CENPW: variants seen among roughly 807,000 people sequenced by gnomAD.
CENPW encodes the protein cancer-up-regulated gene 2 protein.
In CENPW, 3 loss-of-function variants were observed where a neutral mutation model predicts 11.1. That is an observed-to-expected ratio of 0.27 (90% CI 0.12 to 0.70). The LOEUF is 0.70. Among genes scored for constraint, CENPW ranks in the 30% least tolerant of loss-of-function variants. The pLI is 0.77. For synonymous variants in CENPW, 38 were observed against 42.0 expected (o/e 0.91, Z 0.37); for missense variants, 100 against 105.6 (o/e 0.95, Z 0.23).
downstream of CENPW, among the ~76,000 whole-genome samples, chr6:126,353,386 T>C (rs921947280): frequency 1.3e-5 from 2 of 152,054 alleles, no homozygotes; most frequent in African/African-American, 2.4e-5. Context: ...TTGCCTATTA[T>C]AGCAAATAAT....
the CENPW span, among the ~76,000 whole-genome samples, chr6:126,459,151 A>G: frequency 2.0e-5 from 3 of 151,250 alleles, no homozygotes; most frequent in East Asian, 5.8e-4. Flanking sequence ...ATTTTCATTG[A>G]TCCAATGCTA....
At chr6:126,378,025 G>A in the CENPW span, among the ~76,000 whole-genome samples, 2 of 152,164 alleles carry the variant, frequency 1.3e-5, no homozygotes, top group Non-Finnish European at 2.9e-5. Context: ...AGCAGGGGAC[G>A]CTCTCGCATC....
the CENPW span, among the ~76,000 whole-genome samples, chr6:126,447,309 A>G: frequency 6.6e-6 from 1 of 151,312 alleles, no homozygotes; most frequent in East Asian, 1.9e-4. Flanking sequence ...TCCAAGCACA[A>G]TTTGTGAACT....
chr6:126,409,099 C>T, the CENPW span, among the ~76,000 whole-genome samples: 9 of 151,990 alleles, frequency 5.9e-5, no homozygotes, highest in Admixed American at 3.9e-4. Flanking sequence ...CTATAAACTT[C>T]AACTTATTAC....
chr6:126,422,553 A>G, the CENPW span, among the ~76,000 whole-genome samples: 44 of 152,222 alleles, frequency 2.9e-4, no homozygotes, highest in African/African-American at 1.0e-3. Context: ...CCTCACCCTT[A>G]TGATGACAGG....
the CENPW span, among the ~76,000 whole-genome samples, chr6:126,393,512 ATTTC>A: frequency 6.6e-5 from 10 of 151,016 alleles, no homozygotes; most frequent in Non-Finnish European, 1.5e-4. Flanking sequence ...AAATTTTTCT[ATTTC>A]TTTCTTAATT....
chr6:126,452,872 A>C, the CENPW span, among the ~76,000 whole-genome samples: 1 of 151,114 alleles, frequency 6.6e-6, no homozygotes, highest in Non-Finnish European at 1.5e-5. Context: ...AAAAATTATT[A>C]AAATAATCCA....
the CENPW span, among the ~76,000 whole-genome samples, chr6:126,361,506 A>G: frequency 6.6e-6 from 1 of 152,174 alleles, no homozygotes; most frequent in Non-Finnish European, 1.5e-5. Context: ...CGTGTTAGCC[A>G]GGATGGTCTT....
chr6:126,467,773 A>G, the CENPW span, among the ~76,000 whole-genome samples: 1 of 152,180 alleles, frequency 6.6e-6, no homozygotes, highest in Non-Finnish European at 1.5e-5. Context: ...TCTTCCAAAA[A>G]ATACAGTATA....
At chr6:126,394,841 A>C in the CENPW span, among the ~76,000 whole-genome samples, 1 of 150,956 alleles carries the variant, frequency 6.6e-6, no homozygotes, top group Non-Finnish European at 1.5e-5. Flanking sequence ...CTATACTAAA[A>C]GTTTTTTTTT....
At chr6:126,425,669 G>T in the CENPW span, among the ~76,000 whole-genome samples, 1 of 151,926 alleles carries the variant, frequency 6.6e-6, no homozygotes, top group African/African-American at 2.4e-5. Flanking sequence ...AAAAGAGCTT[G>T]GTGTTGAGGA....
the CENPW span, among the ~76,000 whole-genome samples, chr6:126,411,056 A>G: frequency 1.3e-5 from 2 of 152,022 alleles, no homozygotes; most frequent in East Asian, 1.9e-4. Flanking sequence ...TTGGTTTTTC[A>G]TATTTTCTGT....
chr6:126,386,265 C>T, the CENPW span, among the ~76,000 whole-genome samples: 1 of 152,026 alleles, frequency 6.6e-6, no homozygotes. Context: ...GTAACATCTA[C>T]CTCAGTCAGA....
chr6:126,460,790 T>C, the CENPW span, among the ~76,000 whole-genome samples: 1 of 151,640 alleles, frequency 6.6e-6, no homozygotes, highest in African/African-American at 2.4e-5. Context: ...GGGTGGGAAA[T>C]GGTCTGTAAA....
chr6:126,444,322 T>C, the CENPW span, among the ~76,000 whole-genome samples: 1 of 151,070 alleles, frequency 6.6e-6, no homozygotes, highest in Non-Finnish European at 1.5e-5. Context: ...ACTACATATG[T>C]GTTTGATTTT....
At chr6:126,362,978 CAT>C in the CENPW span, among the ~76,000 whole-genome samples, 1 of 152,124 alleles carries the variant, frequency 6.6e-6, no homozygotes, top group African/African-American at 2.4e-5. Context: ...GTTTTAAAAA[CAT>C]ATTTTTAGTT....
the CENPW span, among the ~76,000 whole-genome samples, chr6:126,430,278 T>A: frequency 2.0e-5 from 3 of 152,324 alleles, no homozygotes; most frequent in Admixed American, 6.5e-5. Context: ...AAGGGAAATA[T>A]AAGTAAAACA....
At chr6:126,360,121 G>A in the CENPW span, among the ~76,000 whole-genome samples, 1 of 152,120 alleles carries the variant, frequency 6.6e-6, no homozygotes, top group African/African-American at 2.4e-5. Context: ...CGGTCTAATT[G>A]TAACAAATTC....
chr6:126,448,976 G>T, the CENPW span, among the ~76,000 whole-genome samples: 5 of 151,114 alleles, frequency 3.3e-5, no homozygotes, highest in South Asian at 8.3e-4. Flanking sequence ...TCTGCTGTTT[G>T]CCATGTCTTA....
Sources: allele counts gnomAD v4.1 joint callset (sites outside exome capture counted in the v4.1 genomes callset), GRCh38; gene constraint gnomAD v4.1.1; transcripts MANE v1.5; gene names NCBI Gene and HGNC (gene_info 2026-07-23, HGNC 2026-07-21).